The following SPPL3 variants were observed in gnomAD, a reference collection of about 807,000 sequenced individuals.
SPPL3 encodes signal peptide peptidase like 3, also known as signal peptide peptidase-like 3.
SPPL3 carries 5 observed loss-of-function variants against 42.4 expected under a neutral mutation model. The observed-to-expected ratio is 0.12, with a 90% CI of 0.06 to 0.25. SPPL3 has a LOEUF of 0.25. Ranked by LOEUF, SPPL3 falls within the 10% of genes least tolerant of loss-of-function variation. The pLI is 1.00. For synonymous variants in SPPL3, 195 were observed against 181.8 expected, an observed-to-expected ratio of 1.07 and a Z score of -0.58; for missense variants, 235 against 489.0, an observed-to-expected ratio of 0.48 and a Z score of 4.90.
chr12:120,854,812 T>C (rs1275848465), intron 1 of SPPL3, among the ~76,000 whole-genome samples: 1 of 152,164 alleles, frequency 6.6e-6, no homozygotes, highest in Non-Finnish European at 1.5e-5. Context: ...ATAACAGTCA[T>C]TACCAAGTGT....
chr12:120,785,327 CTT>C (rs2136980692), intron 3 of SPPL3, among the ~76,000 whole-genome samples: 1 of 152,196 alleles, frequency 6.6e-6, no homozygotes, highest in African/African-American at 2.4e-5. Context: ...AAAATAATCT[CTT>C]GGGCTAGAGT....
At chr12:120,814,618 G>A (rs1271764737) in intron 1 of SPPL3, among the ~76,000 whole-genome samples, 1 of 151,880 alleles carries the variant, frequency 6.6e-6, no homozygotes, top group Non-Finnish European at 1.5e-5. Flanking sequence ...TTATGACTAG[G>A]TTATATATTC....
intron 1 of SPPL3, among the ~76,000 whole-genome samples, chr12:120,847,740 A>G (rs1286251530): frequency 6.6e-6 from 1 of 152,148 alleles, no homozygotes; most frequent in Non-Finnish European, 1.5e-5. Flanking sequence ...CTTGGTTTAA[A>G]GTAACCACTG....
intron 1 of SPPL3, among the ~76,000 whole-genome samples, chr12:120,826,340 T>G (rs1187911378): frequency 6.7e-6 from 1 of 149,386 alleles, no homozygotes; most frequent in African/African-American, 2.5e-5. Context: ...AAAATTTCCA[T>G]GGGTTATGAC....
chr12:120,820,581 G>C (rs1255692265), intron 1 of SPPL3, among the ~76,000 whole-genome samples: 1 of 152,168 alleles, frequency 6.6e-6, no homozygotes, highest in African/African-American at 2.4e-5. Context: ...CTCCCAAAGT[G>C]CTGGGATTAC....
intron 2 of SPPL3, among the ~76,000 whole-genome samples, chr12:120,795,614 A>G (rs1870071356): frequency 6.6e-6 from 1 of 151,770 alleles, no homozygotes; most frequent in African/African-American, 2.4e-5. Context: ...TGTACCTAAC[A>G]TGCTTTTTTG....
intron 1 of SPPL3, among the ~76,000 whole-genome samples, chr12:120,836,053 C>T (rs117477328): frequency 0.01 from 1,554 of 152,196 alleles, 28 homozygotes; most frequent in Middle Eastern, 0.061. Context: ...GCATTTACAA[C>T]AAATCCAAGC....
intron 2 of SPPL3, among the ~76,000 whole-genome samples, chr12:120,810,397 T>A (rs1001736283): frequency 9.3e-5 from 14 of 150,214 alleles, no homozygotes; most frequent in Non-Finnish European, 1.6e-4. Flanking sequence ...AAAAAAAAAA[T>A]GAAATGTTCT....
At chr12:120,892,497 C>G (rs568403033) in intron 1 of SPPL3, among the ~76,000 whole-genome samples, 1 of 152,012 alleles carries the variant, frequency 6.6e-6, no homozygotes, top group Non-Finnish European at 1.5e-5. Context: ...GAAGGGCAAA[C>G]GAGGCAGAAG....
rs1481762089 is a variant in SPPL3, at chr12:120,763,328, C to G, written c.*1671G>C. On this transcript the variant is annotated 3_prime_UTR_variant, in exon 11 of 11. Transcript: ENST00000353487. ...AATCCAACACCCTGACTGCTTCAGA[C>G]TCTGTTGACAACAGGATGGGTGCCC... The G allele has an allele frequency of 1.3e-5, 2 of 152,364 alleles. No individual in the cohort carries two copies. Among genetic ancestry groups the G allele is most frequent in the African/African-American group, 4.9e-5 (2 of 41,130 alleles). The allele number at this position is 152,364 out of a possible 1,614,324, so 9.4% of individuals were successfully genotyped here.
chr12:120,791,499 CAGA>C lies in SPPL3; in HGVS notation c.157_159del (p.Ser53del). ...TTGGTGCTGTTGCCATTGAAAGACC[CAGA>C]AGAACTATTACTGTCTTTCTCCTTA... On this transcript the variant is annotated inframe_deletion, in exon 3 of 11. Transcript: ENST00000353487. The C allele has an allele frequency of 6.2e-7, 1 of 1,607,552 alleles. No homozygotes were observed. The highest frequency in any genetic ancestry group is 8.5e-7 in the Non-Finnish European group (1 of 1,178,476).
At chr12:120,810,385 A>AG (rs1024176685) in intron 2 of SPPL3, among the ~76,000 whole-genome samples, 1 of 139,030 alleles carries the variant, frequency 7.2e-6, no homozygotes, top group African/African-American at 3.0e-5. Flanking sequence ...ATTTTTGGTT[A>AG]GAAAAAAAAA....
Position 120,857,089 on chromosome 12 carries a change from G to C in SPPL3, c.24-46203C>G, listed in dbSNP as rs367742821. ...AGAGACAGGAGAAGAAAAGGAAGAA[G>C]GTGGCCCAAATAAAGAACCAGGAAG... On this transcript the variant is annotated intron_variant, in intron 1 of 10. Transcript: ENST00000353487. 3.9e-5 allele frequency among the ~76,000 whole-genome samples: 6 copies of C among 152,262 alleles called. No homozygotes were observed. The East Asian group carries it at 9.6e-4, about 24-fold the overall frequency.
At chr12:120,899,164 GTAGT>G (rs1344445701) in intron 1 of SPPL3, among the ~76,000 whole-genome samples, 20 of 152,296 alleles carry the variant, frequency 1.3e-4, no homozygotes, top group Admixed American at 6.5e-4. Context: ...GGAGAATCTT[GTAGT>G]TAAATTGTGA....
intron 10 of SPPL3, 79 bp from the exon 11 acceptor site, chr12:120,765,149 A>AT (rs1555246277): frequency 2.5e-4 from 342 of 1,353,772 alleles, no homozygotes; most frequent in African/African-American, 6.8e-4. Flanking sequence ...AAAAAAAAAA[A>AT]TTTTTTTTCC....
At chr12:120,902,743 T>G (rs971311150) in intron 1 of SPPL3, among the ~76,000 whole-genome samples, 26 of 152,026 alleles carry the variant, frequency 1.7e-4, no homozygotes, top group African/African-American at 6.3e-4. Flanking sequence ...GCTTCAAGAG[T>G]AAACCATCTT....
chr12:120,854,607 T>C (rs1271414570), intron 1 of SPPL3, among the ~76,000 whole-genome samples: 2 of 152,318 alleles, frequency 1.3e-5, no homozygotes, highest in South Asian at 2.1e-4. Context: ...ATTCTGTATA[T>C]TTTATTAAGG....
In SPPL3 at chr12:120,815,341, T is replaced by C. The variant is rs370376750; in HGVS notation, c.24-4455A>G. ...AAAACTGGTATCTCAGTATGGTTTT[T>C]ATTTGCATTAAAATTGTAATTAAAA... On this transcript the variant is annotated intron_variant, in intron 1 of 10. Coordinates refer to ENST00000353487, the MANE Select transcript of SPPL3 (RefSeq NM_139015.5). 4.6e-5 allele frequency among the ~76,000 whole-genome samples: 7 copies of C among 152,364 alleles called. No individual in the cohort carries two copies. In the South Asian group the frequency reaches 1.4e-3, roughly 32 times the overall value.
At chr12:120,825,906 C>T (rs1871217696) in intron 1 of SPPL3, among the ~76,000 whole-genome samples, 1 of 149,384 alleles carries the variant, frequency 6.7e-6, no homozygotes, top group Non-Finnish European at 1.5e-5. Context: ...GCTATAGTCA[C>T]AAACTATATT....
Sources: allele counts gnomAD v4.1 joint callset (sites outside exome capture counted in the v4.1 genomes callset), GRCh38; gene constraint gnomAD v4.1.1; transcripts MANE v1.5; gene names NCBI Gene and HGNC (gene_info 2026-07-23, HGNC 2026-07-21).